ONECUT2: variants seen among roughly 807,000 people sequenced by gnomAD.
The protein encoded by ONECUT2 is one cut homeobox 2, also known as one cut domain family member 2.
In ONECUT2, 10 loss-of-function variants were observed where a neutral mutation model predicts 27.9. The ratio of observed to expected loss-of-function variants is 0.36; its 90% confidence interval spans 0.22 to 0.61. The LOEUF (loss-of-function observed/expected upper bound fraction) is 0.61. Among genes scored for constraint, ONECUT2 ranks in the 20% least tolerant of loss-of-function variants. The pLI is 0.73. For synonymous variants in ONECUT2, 334 were observed against 315.1 expected (o/e 1.06, Z -0.64); for missense variants, 686 against 721.0 (o/e 0.95, Z 0.56).
At chr18:57,463,726 C>T (rs893558640) in intron 1 of ONECUT2, among the ~76,000 whole-genome samples, 1 of 151,940 alleles carries the variant, frequency 6.6e-6, no homozygotes, top group Non-Finnish European at 1.5e-5. Flanking sequence ...TGTTTTGATC[C>T]TATTGTAAAT....
chr18:57,449,360 G>C (rs2050217458), intron 1 of ONECUT2, among the ~76,000 whole-genome samples: 1 of 152,144 alleles, frequency 6.6e-6, no homozygotes, highest in African/African-American at 2.4e-5. Flanking sequence ...ATATGACACT[G>C]TTTCTACCCA....
intron 1 of ONECUT2, among the ~76,000 whole-genome samples, chr18:57,456,809 T>A (rs913362295): frequency 6.6e-6 from 1 of 152,122 alleles, no homozygotes; most frequent in South Asian, 2.1e-4. Flanking sequence ...TTAAAAAAAA[T>A]TAAAAATAGA....
chr18:57,436,078 C>G lies in ONECUT2; in HGVS notation c.362C>G (p.Pro121Arg). 1 of 1,597,768 alleles carries G rather than the reference C, an allele frequency of 6.3e-7. No homozygotes were observed. The highest frequency in any genetic ancestry group is 8.5e-7 in the Non-Finnish European group (1 of 1,178,544). The change falls in exon 1 of 2, where the codon CCC (proline) becomes CGC (arginine). Residue 121 changes from proline (P) to arginine (R), a missense_variant. This residue lies in a region of ONECUT2 where 511 missense variants were observed against 488.1 expected (regional missense o/e 1.05). Coordinates refer to ENST00000491143, the MANE Select transcript of ONECUT2 (RefSeq NM_004852.3). The surrounding 1 kb of genome is among the most constrained non-coding windows in gnomAD (Gnocchi z 5.9). Reference sequence around the variant, plus strand: ...ATCCTGGACGGCGGCGACTACCGGCCCGAGCTCTCCATCCCGCTGCACCAC... The same window carrying G: ...ATCCTGGACGGCGGCGACTACCGGCGCGAGCTCTCCATCCCGCTGCACCAC... ...ASILDGGDYR[P>R]ELSIPLHHAM...
chr18:57,472,724 A>G (rs2050360752), intron 1 of ONECUT2, among the ~76,000 whole-genome samples: 1 of 152,130 alleles, frequency 6.6e-6, no homozygotes, highest in Non-Finnish European at 1.5e-5. Flanking sequence ...ATAATTTTAA[A>G]TATATGTATC....
At chr18:57,467,745 G>A (rs779715950) in intron 1 of ONECUT2, among the ~76,000 whole-genome samples, 15 of 152,322 alleles carry the variant, frequency 9.8e-5, no homozygotes, top group Non-Finnish European at 4.4e-5. Context: ...CTGTGTCAGA[G>A]GTGAAGCCCA....
At chr18:57,442,244 G>GTTTTTTTT (rs796717767) in intron 1 of ONECUT2, among the ~76,000 whole-genome samples, 1 of 112,104 alleles carries the variant, frequency 8.9e-6, no homozygotes, top group African/African-American at 2.8e-5. Context: ...ATTCTTCTGG[G>GTTTTTTTT]TTTTTTTTTT....
chr18:57,471,457 T>A (rs944532429), intron 1 of ONECUT2, among the ~76,000 whole-genome samples: 5 of 152,162 alleles, frequency 3.3e-5, no homozygotes, highest in African/African-American at 9.7e-5. Flanking sequence ...GGAAAGGCAC[T>A]TTGTTTGTCC....
rs911852704 is a variant in ONECUT2 at position 57,477,160 on chromosome 18, T to C, written c.*437T>C. ...TTGGCCTATGTAAGGACTCTGAGTTTAGGCTTCCAAGATACAACAATAAGA... is the reference window on the plus strand; with the variant it reads ...TTGGCCTATGTAAGGACTCTGAGTTCAGGCTTCCAAGATACAACAATAAGA... On this transcript the variant is annotated 3_prime_UTR_variant, in exon 2 of 2. Transcript: ENST00000491143. The C allele has an allele frequency of 1.1e-5, 2 of 174,134 alleles. No individual in the cohort carries two copies. The highest frequency in any genetic ancestry group is 2.5e-5 in the Non-Finnish European group (2 of 80,808). 10.8% of individuals were successfully genotyped at this position (174,134 alleles called of 1,614,324 possible). A position where few individuals can be genotyped will look rare whatever the true frequency, so the allele number is the denominator to read the frequency against.
At chr18:57,442,575 T>C (rs775153055) in intron 1 of ONECUT2, among the ~76,000 whole-genome samples, 1 of 152,090 alleles carries the variant, frequency 6.6e-6, no homozygotes, top group Non-Finnish European at 1.5e-5. Flanking sequence ...GGTAATCAGA[T>C]ATGTAACTAA....
At position 57,487,514 on chromosome 18, in the gene ONECUT2, G is replaced by A. The variant is rs2050444477; in HGVS notation, c.*10791G>A. On this transcript the variant is annotated 3_prime_UTR_variant, in exon 2 of 2. Coordinates refer to ENST00000491143, the MANE Select transcript of ONECUT2 (RefSeq NM_004852.3). ...GTTTCTTCTCGTATTTTGTGATCAGGTCAGCTCCCAGTAGAAACTCAAATG... is the reference window on the plus strand; with the variant it reads ...GTTTCTTCTCGTATTTTGTGATCAGATCAGCTCCCAGTAGAAACTCAAATG... The A allele has an allele frequency of 6.6e-6, 1 of 152,006 alleles. No homozygotes were observed. Among genetic ancestry groups the A allele is most frequent in the Non-Finnish European group, 1.5e-5 (1 of 68,022 alleles). The allele number at this position is 152,006 out of a possible 1,614,324, so 9.4% of individuals were successfully genotyped here.
At chr18:57,449,144 C>T (rs746618746) in intron 1 of ONECUT2, among the ~76,000 whole-genome samples, 2 of 152,138 alleles carry the variant, frequency 1.3e-5, no homozygotes, top group Non-Finnish European at 2.9e-5. Context: ...TATAGATGTC[C>T]CTGCTTTTGT....
chr18:57,442,004 C>A (rs1296044684), intron 1 of ONECUT2, among the ~76,000 whole-genome samples: 3 of 152,112 alleles, frequency 2.0e-5, no homozygotes, highest in African/African-American at 7.2e-5. Context: ...GGCCGAGGCC[C>A]GGGTCACTGG....
At chr18:57,467,356 G>C (rs11662101) in intron 1 of ONECUT2, 1 of 43,272 alleles carries the variant, frequency 2.3e-5, no homozygotes, top group Non-Finnish European at 1.0e-4. Flanking sequence ...TTTTTTTTTT[G>C]TTTGTTTGTT....
At chr18:57,470,666 C>T (rs1401971978) in intron 1 of ONECUT2, among the ~76,000 whole-genome samples, 2 of 152,144 alleles carry the variant, frequency 1.3e-5, no homozygotes, top group Non-Finnish European at 1.5e-5. Context: ...ACCACTGCAC[C>T]TGCGGAACTG....
At chr18:57,454,476 T>G (rs1467279551) in intron 1 of ONECUT2, among the ~76,000 whole-genome samples, 1 of 152,032 alleles carries the variant, frequency 6.6e-6, no homozygotes, top group Non-Finnish European at 1.5e-5. Context: ...AGGGGACGAC[T>G]CTTGAAGAGC....
intron 1 of ONECUT2, among the ~76,000 whole-genome samples, chr18:57,463,817 A>C (rs773784456): frequency 1.3e-5 from 2 of 152,166 alleles, no homozygotes; most frequent in Non-Finnish European, 2.9e-5. Flanking sequence ...TTAGAATCTT[A>C]CTAAATTCTC....
At chr18:57,439,076 C>A (rs1245876950) in intron 1 of ONECUT2, among the ~76,000 whole-genome samples, 1 of 152,202 alleles carries the variant, frequency 6.6e-6, no homozygotes, top group Admixed American at 6.5e-5. Context: ...TCATGCCGGT[C>A]GCGCAAAGAA....
chr18:57,461,388 T>C (rs2050290564), intron 1 of ONECUT2, among the ~76,000 whole-genome samples: 1 of 152,250 alleles, frequency 6.6e-6, no homozygotes, highest in Non-Finnish European at 1.5e-5. Flanking sequence ...ACAGAGCTGC[T>C]CTGAACATTC....
At chr18:57,455,048 A>G (rs1363101923) in intron 1 of ONECUT2, among the ~76,000 whole-genome samples, 1 of 152,222 alleles carries the variant, frequency 6.6e-6, no homozygotes, top group Non-Finnish European at 1.5e-5. Flanking sequence ...GCCTTATCAG[A>G]AAGTTATTTT....
Sources: allele counts gnomAD v4.1 joint callset (sites outside exome capture counted in the v4.1 genomes callset), GRCh38; gene constraint gnomAD v4.1.1; regional missense constraint gnomAD v4.1.1; non-coding constraint Gnocchi (gnomAD v3.1); transcripts MANE v1.5; gene names NCBI Gene and HGNC (gene_info 2026-07-23, HGNC 2026-07-21).